The following TAFA4 variants were observed in gnomAD, a reference collection of about 807,000 sequenced individuals.
The protein encoded by TAFA4 is chemokine-like protein TAFA-4.
Under a neutral mutation model 21.1 loss-of-function variants are expected in TAFA4, and 20 were observed. The observed-to-expected ratio is 0.95, with a 90% confidence interval of 0.67 to 1.38. The LOEUF is 1.38. TAFA4 is among the 40% of genes most tolerant of loss of function. TAFA4 has a pLI of 0.00. For synonymous variants in TAFA4, 71 were observed against 67.4 expected, an observed-to-expected ratio of 1.05 and a Z score of -0.26; for missense variants, 211 against 180.9, an observed-to-expected ratio of 1.17 and a Z score of -0.95.
intron 3 of TAFA4, among the ~76,000 whole-genome samples, chr3:68,803,869 A>C (rs1257033264): frequency 8.6e-6 from 1 of 116,008 alleles, no homozygotes; most frequent in Non-Finnish European, 1.6e-5. Flanking sequence ...CAGTGGTGTG[A>C]TCTCGGCTCA....
At chr3:68,845,219 G>C (rs535389765) in intron 3 of TAFA4, among the ~76,000 whole-genome samples, 22 of 152,202 alleles carry the variant, frequency 1.4e-4, no homozygotes, top group Admixed American at 1.2e-3. Flanking sequence ...ATATATTTAG[G>C]ATAATTAGCT....
intron 4 of TAFA4, among the ~76,000 whole-genome samples, chr3:68,748,860 A>C (rs566406530): frequency 6.6e-6 from 1 of 152,334 alleles, no homozygotes; most frequent in South Asian, 2.1e-4. Flanking sequence ...TAAACCCAAT[A>C]TTTAGAAACC....
rs1249079826 is a variant in TAFA4 at position 68,752,883 on chromosome 3, G to T, written c.266C>A (p.Ala89Asp). Residue 89 changes from alanine (A) to aspartate (D), a missense_variant, in exon 4 of 6, where the codon GCT (alanine) becomes GAT (aspartate). Physicochemically the swap from Ala to Asp is moderately radical, Grantham distance 126. Transcript: ENST00000295569. ...FPGQVAGTTR[A>D]QPSCVEASIV... ...CTTACCTTCAACACAAGAAGGTTGA[G>T]CCCGAGTTGTGCCCGCCACCTGTCC... The T allele has an allele frequency of 1.9e-6, 3 of 1,614,070 alleles. No homozygotes were observed. The East Asian group carries it at 6.7e-5, about 36-fold the overall frequency.
intron 1 of TAFA4, among the ~76,000 whole-genome samples, chr3:68,897,923 G>C (rs2089808421): frequency 6.6e-6 from 1 of 152,162 alleles, no homozygotes; most frequent in East Asian, 1.9e-4. Context: ...CTCACAGGAA[G>C]TCACAGACAA....
At chr3:68,785,679 G>A (rs895344142) in intron 3 of TAFA4, among the ~76,000 whole-genome samples, 17 of 152,356 alleles carry the variant, frequency 1.1e-4, no homozygotes, top group South Asian at 4.1e-4. Flanking sequence ...TGAGGGAGAC[G>A]GCTCCGGCCT....
intron 1 of TAFA4, among the ~76,000 whole-genome samples, chr3:68,898,824 A>T (rs1012221261): frequency 2.0e-5 from 3 of 152,158 alleles, no homozygotes; most frequent in African/African-American, 7.2e-5. Context: ...TTACTTACCC[A>T]AGTATACAAT....
rs376860302 is a variant in TAFA4 at position 68,892,936 on chromosome 3, A to C, written c.-122-7626T>G. ...ACATAAAATAAAATGCGCTCACCAA[A>C]ATCAGCAGCACCCAGCATGGCTCCA... On this transcript the variant is annotated intron_variant, in intron 1 of 5. Coordinates refer to ENST00000295569, the MANE Select transcript of TAFA4 (RefSeq NM_182522.5). Among the ~76,000 whole-genome samples the C allele has an allele frequency of 3.9e-5, 6 of 152,338 alleles. No homozygotes were observed. The East Asian group carries it at 1.2e-3, about 29-fold the overall frequency.
intron 1 of TAFA4, among the ~76,000 whole-genome samples, chr3:68,891,125 G>A (rs969099709): frequency 2.0e-5 from 3 of 152,080 alleles, no homozygotes; most frequent in Non-Finnish European, 4.4e-5. Flanking sequence ...TCTCTAAAAC[G>A]TTTCAGTGAA....
At chr3:68,912,066 TTC>T (rs1280595139) in intron 1 of TAFA4, among the ~76,000 whole-genome samples, 3 of 152,176 alleles carry the variant, frequency 2.0e-5, no homozygotes, top group African/African-American at 7.2e-5. Context: ...TGTACTTTCG[TTC>T]TGTTTTTCAC....
chr3:68,798,050 T>C (rs1355643506), intron 3 of TAFA4, among the ~76,000 whole-genome samples: 1 of 152,334 alleles, frequency 6.6e-6, no homozygotes, highest in East Asian at 1.9e-4. Context: ...TATATCTTCA[T>C]CCAGCTGTCA....
intron 1 of TAFA4, among the ~76,000 whole-genome samples, chr3:68,906,583 C>G (rs1481482694): frequency 6.6e-6 from 1 of 152,182 alleles, no homozygotes; most frequent in Admixed American, 6.5e-5. Context: ...CTGTGAGGGT[C>G]TGGCTCCAGA....
chr3:68,864,292 A>ATT (rs2089388626), intron 3 of TAFA4, among the ~76,000 whole-genome samples: 1 of 152,174 alleles, frequency 6.6e-6, no homozygotes, highest in Non-Finnish European at 1.5e-5. Flanking sequence ...GTGGCCAAAT[A>ATT]ATTTGAACAC....
In TAFA4 at chr3:68,870,494, T is replaced by TA. The variant is rs1209120892; in HGVS notation, c.130+10235dup. Among the ~76,000 whole-genome samples the TA allele has an allele frequency of 2.0e-5, 3 of 152,090 alleles. No homozygotes were observed. The East Asian group carries it at 5.8e-4, about 29-fold the overall frequency. The stretch of plus-strand genomic sequence containing the variant: ...TAATTAAAACAGCATGGTACTAGCA[T>TA]AAAAACAGACACATAGAGCAGTGGA... On this transcript the variant is annotated intron_variant, in intron 3 of 5. Transcript: ENST00000295569.
intron 3 of TAFA4, among the ~76,000 whole-genome samples, chr3:68,804,884 T>C (rs1237406752): frequency 1.3e-5 from 2 of 152,162 alleles, no homozygotes; most frequent in African/African-American, 4.8e-5. Context: ...ATTCAGGACA[T>C]AGGCATGGGC....
intron 1 of TAFA4, among the ~76,000 whole-genome samples, chr3:68,931,597 A>C (rs116277068): frequency 0.013 from 2,034 of 152,304 alleles, 44 homozygotes; most frequent in African/African-American, 0.047. Flanking sequence ...AGAAATGTAG[A>C]GATGCCACCT....
At chr3:68,849,454 T>C (rs1704890710) in intron 3 of TAFA4, among the ~76,000 whole-genome samples, 1 of 152,214 alleles carries the variant, frequency 6.6e-6, no homozygotes, top group African/African-American at 2.4e-5. Context: ...ACAGTCACCC[T>C]GCTGGAGAGA....
At chr3:68,819,971 G>C (rs1476718285) in intron 3 of TAFA4, among the ~76,000 whole-genome samples, 1 of 152,164 alleles carries the variant, frequency 6.6e-6, no homozygotes, top group Non-Finnish European at 1.5e-5. Context: ...ATGTCAGAGA[G>C]ATACCTGTAC....
At chr3:68,734,407 G>A (rs150433646) in intron 5 of TAFA4, among the ~76,000 whole-genome samples, 2 of 152,178 alleles carry the variant, frequency 1.3e-5, no homozygotes, top group Non-Finnish European at 2.9e-5. Context: ...ATACAGGAAA[G>A]AAAGGCTGAG....
At chr3:68,757,953 C>A (rs898510094) in intron 3 of TAFA4, among the ~76,000 whole-genome samples, 1 of 151,984 alleles carries the variant, frequency 6.6e-6, no homozygotes, top group East Asian at 1.9e-4. Flanking sequence ...ATATCCTGTG[C>A]AATCTTATAA....
Sources: gnomAD v4.1 joint callset for allele counts (sites outside exome capture counted in the v4.1 genomes callset) on GRCh38, gnomAD v4.1.1 for gene constraint, MANE v1.5 for transcripts, NCBI Gene and HGNC (gene_info 2026-07-23, HGNC 2026-07-21) for gene names.